RASA2: variants seen among roughly 807,000 people sequenced by gnomAD.
RASA2 encodes ras GTPase-activating protein 2.
A neutral mutation model predicts 118.2 loss-of-function variants in RASA2; 155 were observed. The ratio of observed to expected loss-of-function variants is 1.31; its 90% CI spans 1.15 to 1.50. The LOEUF (loss-of-function observed/expected upper bound fraction) is 1.50. Ranked by LOEUF, RASA2 falls within the 40% of genes most tolerant of loss-of-function variation. RASA2 has a pLI of 0.00. For missense variants in RASA2, 1,016 were observed against 1,009.6 expected, an observed-to-expected ratio of 1.01 and a Z score of -0.09; for synonymous variants, 353 against 349.1, an observed-to-expected ratio of 1.01 and a Z score of -0.12.
At chr3:141,590,450 T>A (rs2083271324) in intron 19 of RASA2, among the ~76,000 whole-genome samples, 1 of 152,230 alleles carries the variant, frequency 6.6e-6, no homozygotes, top group South Asian at 2.1e-4. Context: ...TACAGTAGTG[T>A]CCTATAAGTG....
intron 19 of RASA2, among the ~76,000 whole-genome samples, chr3:141,599,807 C>T (rs1479593719): frequency 6.6e-6 from 1 of 150,874 alleles, no homozygotes; most frequent in Non-Finnish European, 1.5e-5. Flanking sequence ...AAAAGGAATA[C>T]ATTAAGAGCA....
In RASA2 at chr3:141,597,992, TACTAAAACAG is replaced by T. The variant is rs570245784; in HGVS notation, c.1934-9684_1934-9675del. ...TGGACAAATTTCTTGGAAAACAATT[TACTAAAACAG>T]ATGCAAGAAAAAAGTAGAATATCTT... On this transcript the variant is annotated intron_variant, in intron 19 of 23. Transcript: ENST00000286364. Among the ~76,000 whole-genome samples the T allele has an allele frequency of 4.8e-3, 731 of 152,252 alleles. 8 individuals carry two copies. The highest frequency in any genetic ancestry group is 0.017 in the African/African-American group (694 of 41,548).
At chr3:141,535,275 AT>A (rs770681555) in intron 4 of RASA2, among the ~76,000 whole-genome samples, 18 of 152,272 alleles carry the variant, frequency 1.2e-4, no homozygotes, top group Non-Finnish European at 1.9e-4. Flanking sequence ...AAACCAAAAA[AT>A]TTTTGTGACT....
intron 19 of RASA2, among the ~76,000 whole-genome samples, chr3:141,590,397 A>G (rs541022428): frequency 4.5e-4 from 69 of 152,332 alleles, no homozygotes; most frequent in Non-Finnish European, 7.8e-4. Flanking sequence ...TGTGAACCAT[A>G]ATATAACACC....
chr3:141,585,184 G>T (rs1443203571), intron 17 of RASA2, among the ~76,000 whole-genome samples: 1 of 152,084 alleles, frequency 6.6e-6, no homozygotes, highest in East Asian at 1.9e-4. Flanking sequence ...TCAGAATTCA[G>T]TTTTTCAGAG....
chr3:141,596,371 A>G (rs527990247), intron 19 of RASA2, among the ~76,000 whole-genome samples: 63 of 152,232 alleles, frequency 4.1e-4, no homozygotes, highest in Admixed American at 3.9e-3. Flanking sequence ...AACAGTATGT[A>G]AAGGGAAATT....
chr3:141,576,289 T>C (rs922091085), intron 14 of RASA2, among the ~76,000 whole-genome samples: 2 of 152,150 alleles, frequency 1.3e-5, no homozygotes, highest in African/African-American at 4.8e-5. Flanking sequence ...AAAGCAGATA[T>C]TACTAAAGAA....
chr3:141,533,558 A>G (rs942676121), intron 4 of RASA2, among the ~76,000 whole-genome samples: 4 of 152,210 alleles, frequency 2.6e-5, no homozygotes, highest in African/African-American at 7.2e-5. Flanking sequence ...GATGGGCTTT[A>G]TGCCAAAACA....
At position 141,574,064 on chromosome 3, in the gene RASA2, C is replaced by G; in HGVS notation, c.1480C>G (p.Pro494Ala). Residue 494 changes from proline to alanine, a missense_variant, in exon 14 of 24, where the codon CCT (proline) becomes GCT (alanine). Physicochemically the swap from Pro to Ala is conservative, Grantham distance 27. This residue lies in a region of RASA2 where 896 missense variants were observed against 836.4 expected (regional missense o/e 1.07). Transcript: ENST00000286364. ...AAGGCAGATGGCTACTCAGAGATTT[C>G]CTAGTAAGTGCCTTGTTTTACTAAA... is the stretch of plus-strand genomic sequence containing the variant. ...SLRQMATQRF[P>A]NDPHVQYSAV... The G allele has an allele frequency of 2.0e-6, 3 of 1,472,374 alleles. No individual in the cohort carries two copies. Among genetic ancestry groups the G allele is most frequent in the Non-Finnish European group, 2.7e-6 (3 of 1,102,650 alleles). 91.2% of individuals were successfully genotyped at this position (1,472,374 alleles called of 1,614,324 possible).
At chr3:141,578,570 C>T (rs2083049775) in intron 15 of RASA2, 1 of 152,206 alleles carries the variant, frequency 6.6e-6, no homozygotes, top group South Asian at 2.1e-4. Context: ...AGTGGCAGCA[C>T]CACGCCCTTT....
Position 141,571,554 on chromosome 3 carries a change from A to T in RASA2, c.1169A>T (p.Gln390Leu). The change falls in exon 11 of 24, where the codon CAA becomes CTA. Residue 390 changes from glutamine (Q) to leucine (L), a missense_variant and splice_region_variant. Physicochemically the swap from Gln to Leu is moderately radical, Grantham distance 113. Around this residue, in one of 2 missense-constraint regions of RASA2, gnomAD observed 896 missense variants for 836.4 expected, o/e 1.07. Coordinates refer to ENST00000286364, the MANE Select transcript of RASA2 (RefSeq NM_006506.5). ...AVAELDLKDTQDANTIFRGNS... is the reference protein window; with the variant it reads ...AVAELDLKDTLDANTIFRGNS... ...GCTGAATTAGACTTGAAGGATACAC[A>T]GTAAGAGTTATATTTTATTAAATGT... The T allele has an allele frequency of 1.9e-6, 3 of 1,596,236 alleles. No homozygotes were observed. The highest frequency in any genetic ancestry group is 2.6e-6 in the Non-Finnish European group (3 of 1,171,830).
intron 2 of RASA2, 94 bp from the exon 3 acceptor site, chr3:141,516,231 ATAT>A: frequency 5.0e-6 from 4 of 807,390 alleles, no homozygotes; most frequent in Non-Finnish European, 4.9e-6. Flanking sequence ...AAAGAAAGTG[ATAT>A]TATTTGAGTA....
At chr3:141,543,876 CTTTTTTTTTTT>C (rs529631210) in intron 5 of RASA2, among the ~76,000 whole-genome samples, 2 of 117,318 alleles carry the variant, frequency 1.7e-5, no homozygotes, top group South Asian at 5.6e-4. Flanking sequence ...TTTCTTTTTT[CTTTTTTTTTTT>C]TTTTTTGATA....
chr3:141,580,269 T>C, intron 15 of RASA2, 99 bp from the exon 16 acceptor site: 3 of 877,254 alleles, frequency 3.4e-6, no homozygotes, highest in Admixed American at 2.8e-5. Flanking sequence ...TTTTGAGTCA[T>C]TGTTTTACAG....
At chr3:141,513,227 C>T (rs2081979030) in intron 2 of RASA2, among the ~76,000 whole-genome samples, 1 of 149,432 alleles carries the variant, frequency 6.7e-6, no homozygotes, top group South Asian at 2.1e-4. Context: ...AAAAAAATAT[C>T]TTTCTTTTAC....
chr3:141,531,888 A>G (rs1361051813), intron 4 of RASA2, among the ~76,000 whole-genome samples: 1 of 151,992 alleles, frequency 6.6e-6, no homozygotes, highest in Non-Finnish European at 1.5e-5. Flanking sequence ...AAAGATAGAA[A>G]ATCATCCCAT....
At chr3:141,526,430 C>T (rs2151091875) in intron 3 of RASA2, among the ~76,000 whole-genome samples, 1 of 152,014 alleles carries the variant, frequency 6.6e-6, no homozygotes, top group African/African-American at 2.4e-5. Context: ...TTTATCCTTC[C>T]ACCTTTTTTC....
At chr3:141,548,134 C>G (rs542581531) in intron 5 of RASA2, among the ~76,000 whole-genome samples, 44 of 152,140 alleles carry the variant, frequency 2.9e-4, no homozygotes, top group African/African-American at 1.1e-3. Context: ...GGGATATTGG[C>G]CTATAGTTTT....
chr3:141,553,971 A>G (rs2082611259), intron 6 of RASA2, 31 bp downstream of exon 6: 1 of 1,576,950 alleles, frequency 6.3e-7, no homozygotes, highest in Non-Finnish European at 8.6e-7. Flanking sequence ...ATTAGGTTTT[A>G]AAGTTTTGAT....
Sources: allele counts gnomAD v4.1 joint callset (sites outside exome capture counted in the v4.1 genomes callset), GRCh38; gene constraint gnomAD v4.1.1; regional missense constraint gnomAD v4.1.1; transcripts MANE v1.5; gene names NCBI Gene and HGNC (gene_info 2026-07-23, HGNC 2026-07-21).